The following HCN1 variants were observed in gnomAD, a reference collection of about 807,000 sequenced individuals.
HCN1 encodes the protein potassium/sodium hyperpolarization-activated cyclic nucleotide-gated channel 1.
HCN1 carries 13 observed loss-of-function variants against 78.9 expected under a neutral mutation model. The ratio of observed to expected loss-of-function variants is 0.16; its 90% CI spans 0.11 to 0.26. The LOEUF is 0.26. Ranked by LOEUF, HCN1 falls within the 10% of genes least tolerant of loss-of-function variation. HCN1 has a pLI of 1.00. For synonymous variants in HCN1, 552 were observed against 455.5 expected (o/e 1.21, Z -2.70); for missense variants, 810 against 1,154.3 (o/e 0.70, Z 4.32).
chr5:45,680,970 G>T (rs1020196258), intron 1 of HCN1, among the ~76,000 whole-genome samples: 1 of 151,934 alleles, frequency 6.6e-6, no homozygotes, highest in Non-Finnish European at 1.5e-5. Flanking sequence ...TATTACCCTG[G>T]TAGTCTTTGA....
At chr5:45,462,292 T>A (rs1741178334) in intron 2 of HCN1, among the ~76,000 whole-genome samples, 1 of 152,146 alleles carries the variant, frequency 6.6e-6, no homozygotes, top group Admixed American at 6.6e-5. Flanking sequence ...AGTTTTTATT[T>A]ATTGTTCTTT....
intron 2 of HCN1, among the ~76,000 whole-genome samples, chr5:45,639,459 T>C (rs923616976): frequency 1.3e-5 from 2 of 152,220 alleles, no homozygotes; most frequent in East Asian, 1.9e-4. Context: ...TGATTGTTCA[T>C]GGGCATAAAT....
rs1339783286 is a variant in HCN1, at chr5:45,349,073, T to C, written c.1377+4027A>G. The stretch of plus-strand genomic sequence containing the variant: ...ACCCCAAATCAATAGAATATACATT[T>C]TTTTCAGCACCACACCACACCTCTT... On this transcript the variant is annotated intron_variant, in intron 5 of 7. Transcript: ENST00000303230. 2.6e-5 allele frequency among the ~76,000 whole-genome samples: 4 copies of C among 152,072 alleles called. No homozygotes were observed. In the South Asian group the frequency reaches 8.3e-4, roughly 32 times the overall value.
At chr5:45,341,513 A>G (rs1244914997) in intron 5 of HCN1, among the ~76,000 whole-genome samples, 1 of 152,212 alleles carries the variant, frequency 6.6e-6, no homozygotes, top group African/African-American at 2.4e-5. Context: ...TGGAGATAAA[A>G]CATGGCTTTG....
chr5:45,267,275 A>G lies in HCN1; in HGVS notation c.1619-22T>C, dbSNP rs751582159. ...ATCTCTATAAAAACAAACAACAAAG[A>G]AGAATGACTTGTTTGATCATTTTCT... On this transcript the variant is annotated intron_variant, in intron 6 of 7. Transcript: ENST00000303230. 34 of 1,610,830 alleles carry G rather than the reference A, an allele frequency of 2.1e-5. No individual in the cohort carries two copies. The South Asian group carries it at 3.0e-4, about 14-fold the overall frequency.
chr5:45,608,849 A>C (rs1280422216), intron 2 of HCN1, among the ~76,000 whole-genome samples: 1 of 152,066 alleles, frequency 6.6e-6, no homozygotes, highest in Non-Finnish European at 1.5e-5. Context: ...GTACAAATGC[A>C]AGCTGCAAAC....
chr5:45,413,722 T>C (rs1263972934), intron 3 of HCN1, among the ~76,000 whole-genome samples: 3 of 152,062 alleles, frequency 2.0e-5, no homozygotes, highest in African/African-American at 7.2e-5. Flanking sequence ...GTTAAAGTAG[T>C]GATCTTGATA....
In HCN1 at chr5:45,392,924, CATAACAT is replaced by C. The variant is rs1739612951; in HGVS notation, c.1230+3561_1230+3567del. 3.3e-5 allele frequency among the ~76,000 whole-genome samples: 5 copies of C among 152,188 alleles called. No individual in the cohort carries two copies. In the East Asian group the frequency reaches 9.7e-4, roughly 29 times the overall value. On this transcript the variant is annotated intron_variant, in intron 4 of 7. Coordinates refer to ENST00000303230, the MANE Select transcript of HCN1 (RefSeq NM_021072.4). Reference sequence around the variant, plus strand: ...GACTCAGCACATTCTTTGGACATTACATAACATAATCAATATTTGAATCTAGGTATAG... The same window carrying C: ...GACTCAGCACATTCTTTGGACATTACAATCAATATTTGAATCTAGGTATAG...
intron 2 of HCN1, among the ~76,000 whole-genome samples, chr5:45,586,511 G>A (rs116677508): frequency 0.021 from 3,154 of 152,100 alleles, 59 homozygotes; most frequent in Non-Finnish European, 0.032. Flanking sequence ...GGTCACACTC[G>A]GTGCACTGCA....
chr5:45,501,986 T>C (rs1365658428), intron 2 of HCN1, among the ~76,000 whole-genome samples: 1 of 152,148 alleles, frequency 6.6e-6, no homozygotes, highest in African/African-American at 2.4e-5. Context: ...ATATTGTTTG[T>C]ATTATTTTAA....
At chr5:45,589,282 G>C (rs1744306968) in intron 2 of HCN1, among the ~76,000 whole-genome samples, 1 of 152,136 alleles carries the variant, frequency 6.6e-6, no homozygotes. Context: ...ATCAGTTGTG[G>C]GGTTTGCAGC....
At chr5:45,307,244 C>T (rs1486974111) in intron 5 of HCN1, among the ~76,000 whole-genome samples, 1 of 152,094 alleles carries the variant, frequency 6.6e-6, no homozygotes, top group African/African-American at 2.4e-5. Context: ...AGGGATAATA[C>T]ATAAGCTTTC....
chr5:45,299,348 A>G (rs1745560592), intron 6 of HCN1, among the ~76,000 whole-genome samples: 1 of 152,134 alleles, frequency 6.6e-6, no homozygotes, highest in South Asian at 2.1e-4. Flanking sequence ...AGCCCCTGTA[A>G]TAAAAAGGAA....
intron 2 of HCN1, among the ~76,000 whole-genome samples, chr5:45,507,132 T>C (rs1202661024): frequency 2.6e-5 from 4 of 152,276 alleles, no homozygotes; most frequent in East Asian, 3.9e-4. Flanking sequence ...TTTAATAGCA[T>C]ATAGATATTA....
chr5:45,353,262 A>T lies in HCN1; in HGVS notation c.1231-16T>A. 1 of 1,569,802 alleles carries T rather than the reference A, an allele frequency of 6.4e-7. No individual in the cohort carries two copies. Among genetic ancestry groups the T allele is most frequent in the Middle Eastern group, 1.8e-4 (1 of 5,442 alleles). On this transcript the variant is annotated splice_polypyrimidine_tract_variant and intron_variant, in intron 4 of 7. Transcript: ENST00000303230. ...CTTGCTTATACTGTAAGGAAGGGAA[A>T]ATAAAATTAAAAAAAAACATTGTTA...
intron 2 of HCN1, among the ~76,000 whole-genome samples, chr5:45,591,664 G>C (rs1000443345): frequency 1.3e-5 from 2 of 152,128 alleles, no homozygotes; most frequent in East Asian, 3.9e-4. Flanking sequence ...CATTATTCTT[G>C]ATATATTTTG....
At chr5:45,322,833 T>C (rs776048734) in intron 5 of HCN1, among the ~76,000 whole-genome samples, 1 of 151,684 alleles carries the variant, frequency 6.6e-6, no homozygotes, top group Non-Finnish European at 1.5e-5. Context: ...ACCAAATGAG[T>C]CTCAAAATGG....
chr5:45,372,007 AT>A (rs1747382453), intron 4 of HCN1, among the ~76,000 whole-genome samples: 1 of 77,512 alleles, frequency 1.3e-5, no homozygotes, highest in Non-Finnish European at 2.3e-5. Context: ...TATATAGTAT[AT>A]ATCATATAAT....
intron 7 of HCN1, among the ~76,000 whole-genome samples, chr5:45,266,631 C>T (rs950836685): frequency 6.6e-6 from 1 of 151,416 alleles, no homozygotes; most frequent in African/African-American, 2.4e-5. Context: ...ACCCAGATCT[C>T]TCAAGAAATA....
Sources: allele counts gnomAD v4.1 joint callset (sites outside exome capture counted in the v4.1 genomes callset), GRCh38; gene constraint gnomAD v4.1.1; transcripts MANE v1.5; gene names NCBI Gene and HGNC (gene_info 2026-07-23, HGNC 2026-07-21).